Variants in PLPP4 observed in about 807,000 individuals in gnomAD.
The protein encoded by PLPP4 is diacylglycerol pyrophosphate like 2.
Under a neutral mutation model 32.2 loss-of-function variants are expected in PLPP4, and 20 were observed. The observed-to-expected ratio is 0.62, with a 90% CI of 0.44 to 0.90. PLPP4 has a LOEUF of 0.90. PLPP4 is among the 40% of genes least tolerant of loss of function. The pLI, the probability that PLPP4 is intolerant of heterozygous loss-of-function variation, is 0.00. For missense variants in PLPP4, 257 were observed against 353.1 expected (o/e 0.73, Z 2.18); for synonymous variants, 127 against 133.0 (o/e 0.95, Z 0.31).
chr10:120,582,773 T>C lies in PLPP4; in HGVS notation c.617-6530T>C, dbSNP rs923552261. On this transcript the variant is annotated intron_variant, in intron 6 of 6. Transcript: ENST00000398250. ...ATATTCCCTCCCTCCCTCCCTCCCT[T>C]CCTCCCTCCCTCCCTCCCTCCCTCC... is the stretch of plus-strand genomic sequence containing the variant. Among the ~76,000 whole-genome samples, 165 of 48,360 alleles carry C rather than the reference T, an allele frequency of 3.4e-3. 3 individuals carry two copies. Among genetic ancestry groups the C allele is most frequent in the African/African-American group, 0.013 (114 of 8,842 alleles). The allele number at this position is 48,360 out of a possible 152,430, so 31.7% of individuals were successfully genotyped here.
intron 5 of PLPP4, among the ~76,000 whole-genome samples, chr10:120,529,323 A>T (rs1302053469): frequency 6.6e-6 from 1 of 152,190 alleles, no homozygotes; most frequent in African/African-American, 2.4e-5. Flanking sequence ...CTCAAATGTG[A>T]ATAGTGTCCA....
intron 5 of PLPP4, among the ~76,000 whole-genome samples, chr10:120,554,020 T>A (rs1848033554): frequency 6.6e-6 from 1 of 152,248 alleles, no homozygotes; most frequent in Admixed American, 6.5e-5. Context: ...AAAATGTTTT[T>A]GTTTTTTGTT....
intron 1 of PLPP4, among the ~76,000 whole-genome samples, chr10:120,477,052 C>G (rs948523238): frequency 1.3e-4 from 20 of 152,132 alleles, no homozygotes; most frequent in Non-Finnish European, 2.4e-4. Flanking sequence ...TAAATCCAGT[C>G]TCTCCCTGGA....
intron 1 of PLPP4, among the ~76,000 whole-genome samples, chr10:120,482,464 G>C (rs1481536689): frequency 6.6e-6 from 1 of 152,134 alleles, no homozygotes; most frequent in African/African-American, 2.4e-5. Flanking sequence ...ACTTGAAGGA[G>C]ATGATTTTAG....
chr10:120,572,209 A>T (rs1350398950), intron 5 of PLPP4, among the ~76,000 whole-genome samples: 1 of 152,172 alleles, frequency 6.6e-6, no homozygotes, highest in Non-Finnish European at 1.5e-5. Flanking sequence ...CCCTTCAAAG[A>T]ATGAGTTAGA....
intron 5 of PLPP4, among the ~76,000 whole-genome samples, chr10:120,528,832 T>C (rs1405372558): frequency 6.6e-6 from 1 of 152,202 alleles, no homozygotes; most frequent in African/African-American, 2.4e-5. Flanking sequence ...ATGGAGCCTT[T>C]TTAGATTTTT....
intron 4 of PLPP4, among the ~76,000 whole-genome samples, chr10:120,520,233 C>T (rs1044128388): frequency 6.6e-6 from 1 of 152,122 alleles, no homozygotes; most frequent in African/African-American, 2.4e-5. Flanking sequence ...TGTCCTAGAC[C>T]AGAGAGGCCA....
chr10:120,511,195 GGCAGGGC>G (rs1303663460), intron 2 of PLPP4, among the ~76,000 whole-genome samples: 1 of 152,182 alleles, frequency 6.6e-6, no homozygotes, highest in Non-Finnish European at 1.5e-5. Context: ...GGCAAGTTGA[GGCAGGGC>G]GCAGTTCTAA....
chr10:120,484,885 C>T (rs1844373074), intron 1 of PLPP4, among the ~76,000 whole-genome samples: 1 of 151,956 alleles, frequency 6.6e-6, no homozygotes, highest in Admixed American at 6.6e-5. Flanking sequence ...GCTGGTGGGC[C>T]CAGTGTAATC....
intron 1 of PLPP4, among the ~76,000 whole-genome samples, chr10:120,490,613 T>G (rs967210482): frequency 2.0e-5 from 3 of 152,236 alleles, no homozygotes; most frequent in African/African-American, 4.8e-5. Context: ...CTTACACATC[T>G]GATTCCTCTC....
chr10:120,476,923 C>T (rs928164075), intron 1 of PLPP4, among the ~76,000 whole-genome samples: 2 of 152,162 alleles, frequency 1.3e-5, no homozygotes, highest in African/African-American at 4.8e-5. Flanking sequence ...GTCTTTAGAG[C>T]ACTGTGTTTT....
chr10:120,563,060 G>A (rs1848505920), intron 5 of PLPP4, among the ~76,000 whole-genome samples: 1 of 152,062 alleles, frequency 6.6e-6, no homozygotes, highest in African/African-American at 2.4e-5. Flanking sequence ...GCCAAATGGA[G>A]AAACCCCACT....
chr10:120,590,603 C>T lies in PLPP4; in HGVS notation c.*1101C>T, dbSNP rs755087558. ...GTTGAATACAGCCAGTCAATATGAA[C>T]CTTTTTCAGTCTGAGTATAGAGCAC... is the stretch of plus-strand genomic sequence containing the variant. On this transcript the variant is annotated 3_prime_UTR_variant, in exon 7 of 7. Transcript: ENST00000398250. Among the ~76,000 whole-genome samples, 2 of 152,118 alleles carry T rather than the reference C, an allele frequency of 1.3e-5. No individual in the cohort carries two copies. Among genetic ancestry groups the T allele is most frequent in the Non-Finnish European group, 2.9e-5 (2 of 68,022 alleles).
At chr10:120,537,822 A>C (rs1396578019) in intron 5 of PLPP4, among the ~76,000 whole-genome samples, 4 of 151,948 alleles carry the variant, frequency 2.6e-5, no homozygotes, top group Admixed American at 6.6e-5. Context: ...ATTATTTGTC[A>C]ATTATAGCTC....
chr10:120,528,776 G>A (rs886866324), intron 5 of PLPP4, among the ~76,000 whole-genome samples: 1 of 151,700 alleles, frequency 6.6e-6, no homozygotes, highest in Non-Finnish European at 1.5e-5. Context: ...TTCTCAACTT[G>A]TTGTTTTTTT....
intron 1 of PLPP4, among the ~76,000 whole-genome samples, chr10:120,500,705 A>G (rs1021925642): frequency 2.6e-5 from 4 of 151,834 alleles, no homozygotes; most frequent in African/African-American, 9.7e-5. Flanking sequence ...GGGGTTCCAG[A>G]TCCTTTATTT....
At chr10:120,544,571 C>T (rs980808747) in intron 5 of PLPP4, among the ~76,000 whole-genome samples, 10 of 152,170 alleles carry the variant, frequency 6.6e-5, no homozygotes, top group Non-Finnish European at 1.3e-4. Flanking sequence ...GCTCCCCGGG[C>T]CTCACTCTTC....
intron 5 of PLPP4, among the ~76,000 whole-genome samples, chr10:120,559,473 C>T (rs1317580717): frequency 6.6e-6 from 1 of 152,040 alleles, no homozygotes; most frequent in Admixed American, 6.5e-5. Context: ...TTAAAAAGAA[C>T]TTTACATTCC....
intron 4 of PLPP4, among the ~76,000 whole-genome samples, chr10:120,520,744 A>G (rs2133908238): frequency 6.6e-6 from 1 of 152,240 alleles, no homozygotes. Flanking sequence ...CCAAGGTCAT[A>G]AAGTGAGTAA....
Sources: gnomAD v4.1 joint callset for allele counts (sites outside exome capture counted in the v4.1 genomes callset) on GRCh38, gnomAD v4.1.1 for gene constraint, MANE v1.5 for transcripts, NCBI Gene and HGNC (gene_info 2026-07-23, HGNC 2026-07-21) for gene names.